The following PDS5B variants were observed in gnomAD, a reference collection of about 807,000 sequenced individuals.
PDS5B encodes the protein PDS5 cohesin associated factor B.
Under a neutral mutation model 184.1 loss-of-function variants are expected in PDS5B, and 51 were observed. The observed-to-expected ratio is 0.28, with a 90% confidence interval of 0.22 to 0.35. The LOEUF (loss-of-function observed/expected upper bound fraction) is 0.35. Ranked by LOEUF, PDS5B falls within the 10% of genes least tolerant of loss-of-function variation. The pLI is 1.00. For synonymous variants in PDS5B, 566 were observed against 569.2 expected (o/e 0.99, Z 0.08); for missense variants, 1,180 against 1,723.3 (o/e 0.68, Z 5.58).
chr13:32,741,059 T>C (rs1566397483), intron 21 of PDS5B, 21 bp from the exon 22 acceptor site: 3 of 1,338,854 alleles, frequency 2.2e-6, no homozygotes, highest in Admixed American at 4.2e-5. Context: ...TGGTTTTTTT[T>C]TTTTTCTCGT....
At chr13:32,712,873 A>C (rs1244900684) in intron 19 of PDS5B, among the ~76,000 whole-genome samples, 12 of 152,218 alleles carry the variant, frequency 7.9e-5, no homozygotes, top group Admixed American at 7.9e-4. Flanking sequence ...TGAAGGAAAT[A>C]TCTTTTTACC....
At position 32,740,076 on chromosome 13, in the gene PDS5B, C is replaced by T. The variant is rs560068372; in HGVS notation, c.2407-1004C>T. ...TAGTGTTATCTTTGAGTAATTCTTT[C>T]AACATGGATTGTAATTTGGAAGCTT... On this transcript the variant is annotated intron_variant, in intron 21 of 34. Coordinates refer to ENST00000315596, the MANE Select transcript of PDS5B (RefSeq NM_015032.4). 2.6e-5 allele frequency among the ~76,000 whole-genome samples: 4 copies of T among 152,108 alleles called. No individual in the cohort carries two copies. The East Asian group carries it at 5.8e-4, about 22-fold the overall frequency.
chr13:32,602,681 C>T (rs2140486998), intron 1 of PDS5B, among the ~76,000 whole-genome samples: 2 of 152,286 alleles, frequency 1.3e-5, no homozygotes, highest in South Asian at 4.1e-4. Flanking sequence ...CACTGTCTTC[C>T]ACAATGGTTG....
intron 30 of PDS5B, among the ~76,000 whole-genome samples, chr13:32,761,314 G>A (rs867187604): frequency 1.3e-5 from 2 of 151,776 alleles, no homozygotes; most frequent in South Asian, 2.1e-4. Context: ...TATAAACTTC[G>A]TTTTTTTAAA....
chr13:32,595,365 G>A (rs766953297), intron 1 of PDS5B, among the ~76,000 whole-genome samples: 8 of 151,640 alleles, frequency 5.3e-5, no homozygotes, highest in African/African-American at 7.3e-5. Flanking sequence ...AAAGTAAGAC[G>A]GCAAAAAGGA....
intron 15 of PDS5B, among the ~76,000 whole-genome samples, chr13:32,697,643 A>G (rs868273184): frequency 6.6e-6 from 1 of 152,214 alleles, no homozygotes. Context: ...TGTCCTGGGA[A>G]AACTACTTTC....
intron 22 of PDS5B, among the ~76,000 whole-genome samples, chr13:32,741,699 CTG>C (rs3050179): frequency 0.45 from 62,958 of 138,942 alleles, 14,532 homozygotes; most frequent in Non-Finnish European, 0.55. Flanking sequence ...CCCTTTCAGT[CTG>C]TGTGTGTGTG....
At chr13:32,666,140 G>A (rs888088223) in intron 6 of PDS5B, among the ~76,000 whole-genome samples, 5 of 152,164 alleles carry the variant, frequency 3.3e-5, no homozygotes, top group African/African-American at 1.2e-4. Flanking sequence ...GAGTGCAGTG[G>A]TGCAATCTCA....
At chr13:32,745,677 T>C (rs1396566522) in intron 23 of PDS5B, among the ~76,000 whole-genome samples, 2 of 152,164 alleles carry the variant, frequency 1.3e-5, no homozygotes. Context: ...GACTTCTTGC[T>C]GTGTCCTCAA....
At chr13:32,743,429 A>G (rs981790134) in intron 23 of PDS5B, among the ~76,000 whole-genome samples, 1 of 152,190 alleles carries the variant, frequency 6.6e-6, no homozygotes, top group African/African-American at 2.4e-5. Flanking sequence ...GCACATAATA[A>G]TTAGAAGCAT....
At chr13:32,661,409 A>AAC (rs1276071711) in intron 6 of PDS5B, among the ~76,000 whole-genome samples, 103 of 146,442 alleles carry the variant, frequency 7.0e-4, no homozygotes, top group Non-Finnish European at 1.4e-3. Context: ...AAAAAAAAAA[A>AAC]ACAGAAAAAG....
chr13:32,758,806 C>T (rs1198692065), intron 28 of PDS5B, among the ~76,000 whole-genome samples, 153 bp downstream of exon 28: 3 of 152,108 alleles, frequency 2.0e-5, no homozygotes, highest in Non-Finnish European at 4.4e-5. Flanking sequence ...AACTGGAGGA[C>T]ACACATAAGG....
chr13:32,763,627 C>T (rs946767954), intron 30 of PDS5B: 10 of 151,644 alleles, frequency 6.6e-5, no homozygotes, highest in South Asian at 4.2e-4. Context: ...GGGAAAGGGA[C>T]GATTTAAGGG....
intron 18 of PDS5B, among the ~76,000 whole-genome samples, chr13:32,708,290 T>C (rs928593206): frequency 1.7e-4 from 26 of 152,232 alleles, no homozygotes; most frequent in African/African-American, 6.0e-4. Flanking sequence ...GCCCTTGAAT[T>C]CTTTCCTTGG....
chr13:32,741,190 C>T (rs760867156), intron 22 of PDS5B, 42 bp downstream of exon 22: 3 of 1,013,554 alleles, frequency 3.0e-6, no homozygotes, highest in Non-Finnish European at 4.5e-6. Flanking sequence ...ATATAATCAC[C>T]ACATTGTAAT....
intron 1 of PDS5B, among the ~76,000 whole-genome samples, chr13:32,627,701 A>G (rs1043507481): frequency 6.6e-6 from 1 of 152,222 alleles, no homozygotes; most frequent in Non-Finnish European, 1.5e-5. Context: ...TGGAGTGATA[A>G]GTATTAAGGA....
chr13:32,587,116 C>T (rs927544694), intron 1 of PDS5B, among the ~76,000 whole-genome samples: 1 of 148,432 alleles, frequency 6.7e-6, no homozygotes, highest in African/African-American at 2.5e-5. Context: ...GGCTTCTCCC[C>T]CTTCCGGGCG....
At chr13:32,761,230 C>G (rs554444807) in intron 30 of PDS5B, among the ~76,000 whole-genome samples, 1 of 152,202 alleles carries the variant, frequency 6.6e-6, no homozygotes, top group East Asian at 1.9e-4. Context: ...TTTATGTTAA[C>G]CTAGTATAGA....
rs199768125 is a variant in PDS5B at position 32,746,100 on chromosome 13, C to T, written c.2736C>T (p.Asn912=). ...ATCAGCTATGTGCATTAGCTATCAA[C>T]GTAAGGAAATGGCTGTGTACAACTA... The part of the protein sequence containing the change: ...EQYQLCALAI[N]DECYQVRQVF... Residue 912 remains asparagine (N), a splice_region_variant and synonymous_variant, in exon 24 of 35, where the codon AAC becomes AAT. Transcript: ENST00000315596. 6.2e-4 allele frequency: 1,003 copies of T among 1,611,028 alleles called. No individual in the cohort carries two copies. Among genetic ancestry groups the T allele is most frequent in the Non-Finnish European group, 7.9e-4 (934 of 1,178,412 alleles).
Sources: gnomAD v4.1 joint callset for allele counts (sites outside exome capture counted in the v4.1 genomes callset) on GRCh38, gnomAD v4.1.1 for gene constraint, MANE v1.5 for transcripts, NCBI Gene and HGNC (gene_info 2026-07-23, HGNC 2026-07-21) for gene names.